The following RPN2 variants were observed in gnomAD, a reference collection of about 807,000 sequenced individuals.
RPN2 encodes dolichyl-diphosphooligosaccharide--protein glycosyltransferase subunit 2.
Under a neutral mutation model 71.4 loss-of-function variants are expected in RPN2, and 29 were observed. That is an observed-to-expected ratio of 0.41 (90% CI 0.30 to 0.55). The LOEUF (loss-of-function observed/expected upper bound fraction) is 0.55, where lower values mean the gene tolerates loss of function less well. Among genes scored for constraint, RPN2 ranks in the 20% least tolerant of loss-of-function variants. The probability of loss-of-function intolerance (pLI) is 0.35; values close to 1 mark genes in which losing one functional copy is unlikely to be tolerated. For synonymous variants in RPN2, 308 were observed against 305.0 expected, an observed-to-expected ratio of 1.01 and a Z score of -0.10; for missense variants, 726 against 774.1, an observed-to-expected ratio of 0.94 and a Z score of 0.74.
At chr20:37,236,791 G>C in intron 16 of RPN2, 82 bp downstream of exon 16, 1 of 1,436,818 alleles carries the variant, frequency 7.0e-7, no homozygotes. Context: ...AAGGGTAGGT[G>C]GCAAAATGAT....
intron 7 of RPN2, 117 bp downstream of exon 7, chr20:37,207,566 A>G (rs1338505928): frequency 1.0e-6 from 1 of 953,320 alleles, no homozygotes; most frequent in African/African-American, 1.6e-5. Flanking sequence ...TACCCATTAA[A>G]TGGAGGGCAA....
chr20:37,210,945 T>C (rs767072955), intron 8 of RPN2, among the ~76,000 whole-genome samples: 2 of 152,134 alleles, frequency 1.3e-5, no homozygotes, highest in South Asian at 2.1e-4. Flanking sequence ...CCCAGCACTT[T>C]AGGAGACTGA....
intron 2 of RPN2, among the ~76,000 whole-genome samples, chr20:37,191,184 G>A (rs150060977): frequency 5.9e-5 from 9 of 152,236 alleles, no homozygotes; most frequent in African/African-American, 2.2e-4. Flanking sequence ...GTGTTATAAA[G>A]TGTGAGCATC....
chr20:37,212,824 C>T (rs908604450), intron 8 of RPN2, among the ~76,000 whole-genome samples: 11 of 152,044 alleles, frequency 7.2e-5, no homozygotes, highest in Non-Finnish European at 1.6e-4. Context: ...TTATTGAGAT[C>T]AGGAGTTTTC....
At chr20:37,192,847 C>G (rs530639490) in intron 2 of RPN2, among the ~76,000 whole-genome samples, 1 of 152,230 alleles carries the variant, frequency 6.6e-6, no homozygotes, top group African/African-American at 2.4e-5. Flanking sequence ...TCATTGTGGG[C>G]TGAGTGTGTT....
At chr20:37,207,480 C>T (rs2067544205) in intron 7 of RPN2, 31 bp downstream of exon 7, 1 of 1,606,046 alleles carries the variant, frequency 6.2e-7, no homozygotes. Context: ...GTGTGCCCCT[C>T]TGATTATCAT....
chr20:37,214,765 G>A (rs2067766070), intron 9 of RPN2, among the ~76,000 whole-genome samples: 1 of 152,112 alleles, frequency 6.6e-6, no homozygotes, highest in Non-Finnish European at 1.5e-5. Flanking sequence ...TCTTATTACA[G>A]GTCATGTTAA....
chr20:37,191,728 T>C (rs1210820907), intron 2 of RPN2, among the ~76,000 whole-genome samples: 1 of 152,016 alleles, frequency 6.6e-6, no homozygotes, highest in African/African-American at 2.4e-5. Flanking sequence ...GTTATATTTA[T>C]ATAAAACATA....
chr20:37,202,961 T>C (rs2067425699), intron 4 of RPN2, among the ~76,000 whole-genome samples: 1 of 152,210 alleles, frequency 6.6e-6, no homozygotes, highest in Non-Finnish European at 1.5e-5. Context: ...GGTCTCACTC[T>C]GTCACTTAGG....
intron 2 of RPN2, among the ~76,000 whole-genome samples, chr20:37,194,038 G>A (rs1249761975): frequency 3.9e-5 from 6 of 152,146 alleles, no homozygotes; most frequent in South Asian, 2.1e-4. Context: ...GGCTACGGGC[G>A]CGCATGTTTC....
At chr20:37,240,583 C>G (rs2068525155) in intron 16 of RPN2, among the ~76,000 whole-genome samples, 1 of 152,210 alleles carries the variant, frequency 6.6e-6, no homozygotes, top group Non-Finnish European at 1.5e-5. Context: ...CTGCTGGGAT[C>G]AGTTACTCAC....
chr20:37,230,667 A>G (rs2068216397), intron 13 of RPN2, among the ~76,000 whole-genome samples: 1 of 152,190 alleles, frequency 6.6e-6, no homozygotes. Context: ...TTGAGAAATG[A>G]TCGTACTTGG....
At chr20:37,196,609 G>T (rs1434622607) in intron 2 of RPN2, among the ~76,000 whole-genome samples, 1 of 152,182 alleles carries the variant, frequency 6.6e-6, no homozygotes. Context: ...GCTCACTGCA[G>T]CCTCAAACGA....
intron 12 of RPN2, 92 bp from the exon 13 acceptor site, chr20:37,229,881 A>G (rs1487947408): frequency 1.0e-6 from 1 of 981,364 alleles, no homozygotes; most frequent in Non-Finnish European, 1.6e-6. Flanking sequence ...TTTTTCAGTT[A>G]TGGTCTTAGA....
At position 37,241,499 on chromosome 20, in the gene RPN2, C is replaced by CAGAT; in HGVS notation, c.*187_*190dup. ...ACACACAGCAGATACCTGGTGAGCT[C>CAGAT]AGATAGTCTCTTTCTCTGACACTGT... On this transcript the variant is annotated 3_prime_UTR_variant, in exon 17 of 17. Transcript: ENST00000237530. 1.5e-6 allele frequency: 1 copy of CAGAT among 677,992 alleles called. No individual in the cohort carries two copies. The highest frequency in any genetic ancestry group is 2.6e-6 in the Non-Finnish European group (1 of 385,896). The allele number at this position is 677,992 out of a possible 1,614,324, so 42.0% of individuals were successfully genotyped here.
chr20:37,230,103 G>T lies in RPN2; in HGVS notation c.1581+44G>T, dbSNP rs1470066926. On this transcript the variant is annotated intron_variant, in intron 13 of 16. Transcript: ENST00000237530. ...ATCCACTAAACGTGGGAGAAGAGAGGGCAACAAAGCCCTGGACAGTGGCTC... is the reference window on the plus strand; with the variant it reads ...ATCCACTAAACGTGGGAGAAGAGAGTGCAACAAAGCCCTGGACAGTGGCTC... The T allele has an allele frequency of 2.1e-6, 3 of 1,439,432 alleles. No homozygotes were observed. In the Admixed American group the frequency reaches 5.0e-5, roughly 24 times the overall value. The allele number at this position is 1,439,432 out of a possible 1,614,324, so 89.2% of individuals were successfully genotyped here.
chr20:37,181,559 C>T (rs2066884918), intron 1 of RPN2, among the ~76,000 whole-genome samples: 1 of 151,532 alleles, frequency 6.6e-6, no homozygotes, highest in South Asian at 2.1e-4. Context: ...GCTGGGATTA[C>T]AGGCCAAGTC....
At chr20:37,227,562 T>G (rs115523018) in intron 11 of RPN2, among the ~76,000 whole-genome samples, 1,879 of 152,356 alleles carry the variant, frequency 0.012, 37 homozygotes, top group African/African-American at 0.043. Flanking sequence ...GTGGTGGTTC[T>G]TTGTTGTTCA....
intron 9 of RPN2, among the ~76,000 whole-genome samples, chr20:37,219,312 A>G (rs1029024287): frequency 6.6e-6 from 1 of 152,190 alleles, no homozygotes; most frequent in Non-Finnish European, 1.5e-5. Context: ...GGTCTCTTGC[A>G]TATCTTCTTT....
Sources: gnomAD v4.1 joint callset for allele counts (sites outside exome capture counted in the v4.1 genomes callset) on GRCh38, gnomAD v4.1.1 for gene constraint, MANE v1.5 for transcripts, NCBI Gene and HGNC (gene_info 2026-07-23, HGNC 2026-07-21) for gene names.